The following FGD4 variants were observed in gnomAD, a reference collection of about 807,000 sequenced individuals.
FGD4 encodes the protein FYVE, RhoGEF and PH domain-containing protein 4.
In FGD4, 42 loss-of-function variants were observed where a neutral mutation model predicts 102.0. That is an observed-to-expected ratio of 0.41 (90% confidence interval 0.32 to 0.53). The LOEUF is 0.53. Among genes scored for constraint, FGD4 ranks in the 20% least tolerant of loss-of-function variants. The pLI is 0.21. For missense variants in FGD4, 902 were observed against 1,078.2 expected, an observed-to-expected ratio of 0.84 and a Z score of 2.29; for synonymous variants, 380 against 375.7, an observed-to-expected ratio of 1.01 and a Z score of -0.13.
rs1376180408 is a variant in FGD4 at position 32,533,216 on chromosome 12, T to C, written c.167-30921T>C. 2.0e-5 allele frequency among the ~76,000 whole-genome samples: 3 copies of C among 152,270 alleles called. No homozygotes were observed. In the East Asian group the frequency reaches 5.8e-4, roughly 29 times the overall value. On this transcript the variant is annotated intron_variant, in intron 1 of 16. Transcript: ENST00000534526. ...AAATGCAAATTATGTGGCCCCACCA[T>C]GCACTGAATCTGACTTTGATAGGGC...
chr12:32,638,742 T>C lies in FGD4; in HGVS notation c.2401T>C (p.Cys801Arg), dbSNP rs1384054101. The change falls in exon 16 of 17, where the codon TGT becomes CGT. Residue 801 changes from cysteine to arginine, a missense_variant. By Grantham distance (180) the Cys-to-Arg change is radical (BLOSUM62 -3). Around this residue, in one of 2 missense-constraint regions of FGD4, gnomAD observed 459 missense variants for 619.0 expected, o/e 0.74. Coordinates refer to ENST00000534526, the MANE Select transcript of FGD4 (RefSeq NM_001370298.3). ...GTCAAAACCTTGGCAGAAAGCTTGG[T>C]GTGTGATCCCCAAGCAAGACCCTCT... ...EKSKPWQKAWCVIPKQDPLVL... is the reference protein window; with the variant it reads ...EKSKPWQKAWRVIPKQDPLVL... 1 of 1,614,172 alleles carries C rather than the reference T, an allele frequency of 6.2e-7. No individual in the cohort carries two copies. The highest frequency in any genetic ancestry group is 8.5e-7 in the Non-Finnish European group (1 of 1,180,026).
chr12:32,510,146 G>A (rs1939208516), intron 1 of FGD4, among the ~76,000 whole-genome samples: 2 of 152,308 alleles, frequency 1.3e-5, no homozygotes, highest in South Asian at 4.1e-4. Context: ...CCACTAGTAA[G>A]TTGCTGAGTG....
chr12:32,471,438 C>G (rs1943412767), intron 1 of FGD4, among the ~76,000 whole-genome samples: 1 of 152,130 alleles, frequency 6.6e-6, no homozygotes, highest in South Asian at 2.1e-4. Flanking sequence ...GACTTAGACG[C>G]TATGTTTCCT....
intron 15 of FGD4, among the ~76,000 whole-genome samples, chr12:32,636,332 G>A (rs575660262): frequency 6.6e-6 from 1 of 152,152 alleles, no homozygotes; most frequent in Admixed American, 6.6e-5. Context: ...ACAGGAGTTC[G>A]AGACCAGCCT....
intron 1 of FGD4, among the ~76,000 whole-genome samples, chr12:32,488,436 ACTTAT>A (rs1329207688): frequency 6.6e-6 from 1 of 152,084 alleles, no homozygotes; most frequent in African/African-American, 2.4e-5. Context: ...AAGTTTGAAG[ACTTAT>A]CTTCAAGTAA....
intron 1 of FGD4, among the ~76,000 whole-genome samples, chr12:32,462,624 C>T (rs1321260671): frequency 6.6e-6 from 1 of 151,976 alleles, no homozygotes; most frequent in Admixed American, 6.6e-5. Flanking sequence ...AAACCTCATG[C>T]CTTAGAGAAA....
intron 1 of FGD4, among the ~76,000 whole-genome samples, chr12:32,434,028 G>C (rs1942142598): frequency 6.6e-6 from 1 of 151,718 alleles, no homozygotes; most frequent in South Asian, 2.1e-4. Flanking sequence ...GCTAATTTTT[G>C]TATTTTTAGT....
At position 32,611,126 on chromosome 12, in the gene FGD4, T is replaced by G; in HGVS notation, c.1603-11T>G. On this transcript the variant is annotated splice_polypyrimidine_tract_variant and intron_variant, in intron 9 of 16. Coordinates refer to ENST00000534526, the MANE Select transcript of FGD4 (RefSeq NM_001370298.3). Reference sequence around the variant, plus strand: ...CTGCCTGTATGTGATCTTGCTGTTTTAATTTCCTAGGAGAACCTAAAGAAA... The same window carrying G: ...CTGCCTGTATGTGATCTTGCTGTTTGAATTTCCTAGGAGAACCTAAAGAAA... 6.2e-7 allele frequency: 1 copy of G among 1,614,060 alleles called. No homozygotes were observed. The highest frequency in any genetic ancestry group is 2.2e-5 in the East Asian group (1 of 44,856).
At chr12:32,533,808 T>C (rs1942011651) in intron 1 of FGD4, among the ~76,000 whole-genome samples, 1 of 152,242 alleles carries the variant, frequency 6.6e-6, no homozygotes, top group Admixed American at 6.5e-5. Flanking sequence ...GTAATAAATA[T>C]TTTACCAGTT....
intron 10 of FGD4, among the ~76,000 whole-genome samples, chr12:32,615,911 C>T (rs73083486): frequency 0.088 from 13,436 of 151,972 alleles, 725 homozygotes; most frequent in Middle Eastern, 0.18. Context: ...GGGGTGACTG[C>T]GGGTGTGAGT....
At chr12:32,479,009 A>G (rs994607547) in intron 1 of FGD4, among the ~76,000 whole-genome samples, 3 of 152,180 alleles carry the variant, frequency 2.0e-5, no homozygotes, top group Non-Finnish European at 4.4e-5. Context: ...CCCAACTTAT[A>G]ACTCCGTTTG....
intron 1 of FGD4, among the ~76,000 whole-genome samples, chr12:32,486,529 C>T (rs961887789): frequency 6.6e-6 from 1 of 152,102 alleles, no homozygotes; most frequent in Non-Finnish European, 1.5e-5. Context: ...TTTCACTTGT[C>T]TTCTTTCTAT....
intron 1 of FGD4, among the ~76,000 whole-genome samples, chr12:32,540,268 A>G (rs906725594): frequency 2.6e-5 from 4 of 152,224 alleles, no homozygotes; most frequent in African/African-American, 9.6e-5. Context: ...GAGGTACAAA[A>G]TATGTTTGGA....
intron 1 of FGD4, among the ~76,000 whole-genome samples, chr12:32,524,833 A>C (rs548143194): frequency 0.01 from 1,554 of 152,324 alleles, 20 homozygotes; most frequent in African/African-American, 0.035. Context: ...CAAAAAAAAA[A>C]AAAATGAGCA....
chr12:32,494,714 G>C (rs769800471), intron 1 of FGD4, among the ~76,000 whole-genome samples: 7 of 152,190 alleles, frequency 4.6e-5, no homozygotes, highest in Non-Finnish European at 1.0e-4. Context: ...AGGGAGGAAA[G>C]GTCAAGAAAG....
chr12:32,442,254 C>T (rs572816174), intron 1 of FGD4, among the ~76,000 whole-genome samples: 1 of 151,876 alleles, frequency 6.6e-6, no homozygotes, highest in African/African-American at 2.4e-5. Flanking sequence ...GGGGTTTCAC[C>T]GTGTTAGCCA....
intron 1 of FGD4, among the ~76,000 whole-genome samples, chr12:32,403,688 C>T (rs1940790260): frequency 6.9e-6 from 1 of 144,992 alleles, no homozygotes; most frequent in South Asian, 2.2e-4. Flanking sequence ...CCTCCGCCAT[C>T]TGGGCTGAAG....
chr12:32,578,546 C>A (rs369993376), intron 3 of FGD4, among the ~76,000 whole-genome samples: 1 of 152,082 alleles, frequency 6.6e-6, no homozygotes, highest in East Asian at 1.9e-4. Context: ...AAGACCTTAC[C>A]CGGCTGGGTA....
intron 1 of FGD4, among the ~76,000 whole-genome samples, chr12:32,515,648 A>G (rs943428444): frequency 1.3e-5 from 2 of 152,236 alleles, no homozygotes; most frequent in African/African-American, 4.8e-5. Flanking sequence ...CTTTTCAGAT[A>G]TCTGCACTGA....
Sources: gnomAD v4.1 joint callset for allele counts (sites outside exome capture counted in the v4.1 genomes callset) on GRCh38, gnomAD v4.1.1 for gene constraint, gnomAD v4.1.1 regional missense constraint, MANE v1.5 for transcripts, NCBI Gene and HGNC (gene_info 2026-07-23, HGNC 2026-07-21) for gene names.